RFX8: variants seen among roughly 807,000 people sequenced by gnomAD.
RFX8 encodes DNA-binding protein RFX8.
RFX8 carries 46 observed loss-of-function variants against 54.6 expected under a neutral mutation model. The ratio of observed to expected loss-of-function variants is 0.84; its 90% confidence interval spans 0.67 to 1.08. The LOEUF (loss-of-function observed/expected upper bound fraction) is 1.08. Among genes scored for constraint, RFX8 ranks in the 50% least tolerant of loss-of-function variants. RFX8 has a pLI of 0.00. For synonymous variants in RFX8, 192 were observed against 209.5 expected (o/e 0.92, Z 0.72); for missense variants, 536 against 562.3 (o/e 0.95, Z 0.47).
chr2:101,440,871 G>T (rs1688059891), intron 2 of RFX8, among the ~76,000 whole-genome samples: 1 of 152,028 alleles, frequency 6.6e-6, no homozygotes, highest in Admixed American at 6.5e-5. Flanking sequence ...ATACATTTAG[G>T]ATGGTTATGT....
chr2:101,463,182 C>A (rs1484731441), intron 2 of RFX8, among the ~76,000 whole-genome samples: 1 of 152,184 alleles, frequency 6.6e-6, no homozygotes, highest in Non-Finnish European at 1.5e-5. Context: ...GAGATACATA[C>A]CCTAGGGGAC....
At chr2:101,405,887 C>T in intron 10 of RFX8, 56 bp downstream of exon 10, 1 of 1,098,788 alleles carries the variant, frequency 9.1e-7, no homozygotes, top group South Asian at 1.6e-5. Context: ...ATACTTATGC[C>T]ATAATGACAT....
intron 1 of RFX8, among the ~76,000 whole-genome samples, chr2:101,472,089 GA>G (rs1690032136): frequency 6.6e-6 from 1 of 152,076 alleles, no homozygotes; most frequent in Non-Finnish European, 1.5e-5. Flanking sequence ...TAGTACCAAC[GA>G]TCTGTTTTGG....
Position 101,410,618 on chromosome 2 carries a change from C to T in RFX8, c.813+1G>A. 1.3e-6 allele frequency: 2 copies of T among 1,489,222 alleles called. No homozygotes were observed. The highest frequency in any genetic ancestry group is 1.8e-6 in the Non-Finnish European group (2 of 1,095,512). The allele number at this position is 1,489,222 out of a possible 1,614,324, so 92.3% of individuals were successfully genotyped here. On this transcript the variant is annotated splice_donor_variant, in intron 9 of 11. Coordinates refer to ENST00000428343, the MANE Select transcript of RFX8 (RefSeq NM_001145664.2). LOFTEE classifies it high-confidence loss of function. ...TTTTTTTTTAAGTCACAGCTTCCTA[C>T]CTGGAACACAAATGCTTGGAGATGT...
chr2:101,430,733 CA>C (rs537856202), intron 2 of RFX8, among the ~76,000 whole-genome samples: 110 of 152,224 alleles, frequency 7.2e-4, no homozygotes, highest in African/African-American at 2.5e-3. Flanking sequence ...GTAGGTGTGA[CA>C]ATTATGCAGT....
At chr2:101,417,868 C>A (rs570272556) in intron 5 of RFX8, among the ~76,000 whole-genome samples, 184 bp from the exon 6 acceptor site, 1 of 152,184 alleles carries the variant, frequency 6.6e-6, no homozygotes, top group East Asian at 1.9e-4. Flanking sequence ...CTGGTGCAGC[C>A]ACAGTTGGAA....
chr2:101,438,504 C>G (rs1252997599), intron 2 of RFX8, among the ~76,000 whole-genome samples: 2 of 152,144 alleles, frequency 1.3e-5, no homozygotes, highest in Non-Finnish European at 2.9e-5. Context: ...TAGGCTGATT[C>G]CAGTTTTGGG....
At chr2:101,470,286 C>T (rs1689901935) in intron 1 of RFX8, among the ~76,000 whole-genome samples, 1 of 152,128 alleles carries the variant, frequency 6.6e-6, no homozygotes, top group Non-Finnish European at 1.5e-5. Flanking sequence ...TTTATGTCTA[C>T]CATCAAAATC....
At chr2:101,450,121 T>C (rs968764827) in intron 2 of RFX8, among the ~76,000 whole-genome samples, 1 of 152,178 alleles carries the variant, frequency 6.6e-6, no homozygotes, top group Admixed American at 6.5e-5. Flanking sequence ...AATGTTGATG[T>C]GATATGTGTG....
chr2:101,469,044 A>ACT (rs1260012771), intron 1 of RFX8, among the ~76,000 whole-genome samples: 1 of 47,732 alleles, frequency 2.1e-5, no homozygotes, highest in African/African-American at 7.3e-5. Context: ...ATATATATGT[A>ACT]TATATATATA....
intron 9 of RFX8, among the ~76,000 whole-genome samples, 176 bp downstream of exon 9, chr2:101,410,443 C>T (rs1686057283): frequency 6.6e-6 from 1 of 151,282 alleles, no homozygotes; most frequent in Non-Finnish European, 1.5e-5. Context: ...CCACCAGACC[C>T]CCATTCTCCA....
Position 101,468,814 on chromosome 2 carries a change from T to C in RFX8, c.-52-1914A>G, listed in dbSNP as rs373788249. Among the ~76,000 whole-genome samples the C allele has an allele frequency of 2.1e-4, 32 of 151,360 alleles. No individual in the cohort carries two copies. The East Asian group carries it at 3.7e-3, about 18-fold the overall frequency. On this transcript the variant is annotated intron_variant, in intron 1 of 11. Coordinates refer to ENST00000428343, the MANE Select transcript of RFX8 (RefSeq NM_001145664.2). ...TTTTCTGGGATGCTTCCCAAAATCATTGTGGGAGCCTGACACTTCAGATAC... is the reference window on the plus strand; with the variant it reads ...TTTTCTGGGATGCTTCCCAAAATCACTGTGGGAGCCTGACACTTCAGATAC...
intron 2 of RFX8, among the ~76,000 whole-genome samples, chr2:101,440,076 T>A (rs2148956789): frequency 6.7e-6 from 1 of 149,738 alleles, no homozygotes; most frequent in East Asian, 2.0e-4. Flanking sequence ...AAGACGCTTG[T>A]CTATGTCTAC....
Position 101,419,022 on chromosome 2 carries a change from C to G in RFX8, c.238-58G>C. 3 of 834,958 alleles carry G rather than the reference C, an allele frequency of 3.6e-6. No homozygotes were observed. The South Asian group carries it at 4.9e-5, about 14-fold the overall frequency. 51.7% of individuals were successfully genotyped at this position (834,958 alleles called of 1,614,324 possible). A position where few individuals can be genotyped will look rare whatever the true frequency, so the allele number is the denominator to read the frequency against. On this transcript the variant is annotated intron_variant, in intron 4 of 11. Coordinates refer to ENST00000428343, the MANE Select transcript of RFX8 (RefSeq NM_001145664.2). ...TCGTTTTCCACCTCGCAAGACTAAC[C>G]CCCCGCCACAGATACTTCCTTAGCC...
chr2:101,432,438 C>T (rs2104616082), intron 2 of RFX8, among the ~76,000 whole-genome samples: 1 of 152,272 alleles, frequency 6.6e-6, no homozygotes, highest in South Asian at 2.1e-4. Flanking sequence ...TTTCGTCTGG[C>T]AGGCAAGGCT....
chr2:101,416,810 A>G (rs1686542865), intron 6 of RFX8, among the ~76,000 whole-genome samples: 1 of 152,184 alleles, frequency 6.6e-6, no homozygotes, highest in African/African-American at 2.4e-5. Flanking sequence ...AGAGCAGTTC[A>G]GGCTCGCGCT....
chr2:101,403,353 C>T (rs539694990), intron 10 of RFX8, among the ~76,000 whole-genome samples: 19 of 152,264 alleles, frequency 1.2e-4, no homozygotes, highest in African/African-American at 3.4e-4. Context: ...TGCTCCAAAT[C>T]CCAAGGCCTT....
chr2:101,400,204 T>C (rs1685350784), intron 11 of RFX8, among the ~76,000 whole-genome samples: 1 of 152,226 alleles, frequency 6.6e-6, no homozygotes, highest in African/African-American at 2.4e-5. Context: ...GAAGCATGTG[T>C]ATATAATTTG....
chr2:101,457,020 T>C (rs1455139062), intron 2 of RFX8, among the ~76,000 whole-genome samples: 1 of 152,200 alleles, frequency 6.6e-6, no homozygotes, highest in Non-Finnish European at 1.5e-5. Flanking sequence ...TCTCTGACGG[T>C]AGTTTGTATT....
Sources: allele counts gnomAD v4.1 joint callset (sites outside exome capture counted in the v4.1 genomes callset), GRCh38; gene constraint gnomAD v4.1.1; transcripts MANE v1.5; gene names NCBI Gene and HGNC (gene_info 2026-07-23, HGNC 2026-07-21).